The following PAX5 variants were observed in gnomAD, a reference collection of about 807,000 sequenced individuals.
The protein encoded by PAX5 is paired box 5.
A neutral mutation model predicts 43.7 loss-of-function variants in PAX5; 9 were observed. The observed-to-expected ratio is 0.21, with a 90% CI of 0.12 to 0.36. The LOEUF is 0.36. Among genes scored for constraint, PAX5 ranks in the 10% least tolerant of loss-of-function variants. PAX5 has a pLI of 1.00. For synonymous variants in PAX5, 228 were observed against 214.3 expected, an observed-to-expected ratio of 1.06 and a Z score of -0.56; for missense variants, 383 against 532.7, an observed-to-expected ratio of 0.72 and a Z score of 2.77.
chr9:36,860,323 C>T (rs1453273535), intron 8 of PAX5, among the ~76,000 whole-genome samples: 2 of 151,682 alleles, frequency 1.3e-5, no homozygotes, highest in Non-Finnish European at 2.9e-5. Flanking sequence ...GGTGACAGAG[C>T]AAGACTGTCT....
At chr9:36,951,724 A>G (rs1833028118) in intron 6 of PAX5, among the ~76,000 whole-genome samples, 1 of 152,100 alleles carries the variant, frequency 6.6e-6, no homozygotes, top group African/African-American at 2.4e-5. Flanking sequence ...ATTTATTTCT[A>G]TCCTCTATTG....
intron 8 of PAX5, chr9:36,860,965 G>A (rs1345303159): frequency 6.6e-6 from 1 of 152,234 alleles, no homozygotes; most frequent in Non-Finnish European, 1.5e-5. Context: ...ACTTTCATAT[G>A]TATCCCCTGT....
intron 9 of PAX5, among the ~76,000 whole-genome samples, chr9:36,843,180 C>T (rs759898465): frequency 1.3e-5 from 2 of 151,980 alleles, no homozygotes; most frequent in Admixed American, 6.6e-5. Context: ...TTCCACAGAG[C>T]GCACCAATCT....
chr9:36,837,791 C>T lies in PAX5; in HGVS notation c.*2769G>A, dbSNP rs1047487928. On this transcript the variant is annotated 3_prime_UTR_variant, in exon 10 of 10. Coordinates refer to ENST00000358127, the MANE Select transcript of PAX5 (RefSeq NM_016734.3). ...AGGGAGGAAAGGTATGGGGGGAGCT[C>T]ATTACAGGGCAAGAAGAGGAACAGG... The T allele has an allele frequency of 1.3e-5, 3 of 233,262 alleles. No homozygotes were observed. The highest frequency in any genetic ancestry group is 2.5e-5 in the Non-Finnish European group (3 of 118,114). The allele number at this position is 233,262 out of a possible 1,614,324, so 14.4% of individuals were successfully genotyped here. A position where few individuals can be genotyped will look rare whatever the true frequency, so the allele number is the denominator to read the frequency against.
intron 6 of PAX5, among the ~76,000 whole-genome samples, chr9:36,926,930 G>A (rs1830690988): frequency 6.6e-6 from 1 of 152,172 alleles, no homozygotes; most frequent in Non-Finnish European, 1.5e-5. Flanking sequence ...GGCGTGAAGT[G>A]GTCAGGAAGG....
Position 36,834,662 on chromosome 9 carries a change from G to C in PAX5, c.*5898C>G, listed in dbSNP as rs1821517716. ...AAATGTATTCATGCTTGAAAAGAAGGGCGCCATTAAATGGTTTCCTTTCTG... is the reference window on the plus strand; with the variant it reads ...AAATGTATTCATGCTTGAAAAGAAGCGCGCCATTAAATGGTTTCCTTTCTG... On this transcript the variant is annotated 3_prime_UTR_variant, in exon 10 of 10. Transcript: ENST00000358127. The C allele has an allele frequency of 4.3e-6, 1 of 233,004 alleles. No homozygotes were observed. The highest frequency in any genetic ancestry group is 8.5e-6 in the Non-Finnish European group (1 of 118,040). The allele number at this position is 233,004 out of a possible 1,614,324, so 14.4% of individuals were successfully genotyped here.
chr9:37,015,871 C>T lies in PAX5; in HGVS notation c.213-677G>A, dbSNP rs1213788095. On this transcript the variant is annotated intron_variant, in intron 2 of 9. Transcript: ENST00000358127. This position sits in a 1 kb window ranked among gnomAD's most constrained non-coding sequence, Gnocchi z 4.4. ...CTGGGATTACAGGCATGAGCCACCA[C>T]GCCCGGCCAGTCTCTCATTGTATTT... Among the ~76,000 whole-genome samples the T allele has an allele frequency of 2.6e-5, 4 of 152,198 alleles. No homozygotes were observed. Among genetic ancestry groups the T allele is most frequent in the Non-Finnish European group, 5.9e-5 (4 of 68,040 alleles).
intron 8 of PAX5, among the ~76,000 whole-genome samples, chr9:36,855,533 G>T (rs1823579649): frequency 6.6e-6 from 1 of 152,232 alleles, no homozygotes; most frequent in South Asian, 2.1e-4. Context: ...TAGGGTGCAA[G>T]ATAACACCTG....
chr9:36,884,532 C>T (rs1414304738), intron 7 of PAX5, among the ~76,000 whole-genome samples: 1 of 152,102 alleles, frequency 6.6e-6, no homozygotes, highest in Non-Finnish European at 1.5e-5. Context: ...CTTAAAAATA[C>T]TTAATTGGTG....
chr9:36,930,884 T>C (rs1387564017), intron 6 of PAX5: 6 of 1,307,424 alleles, frequency 4.6e-6, no homozygotes, highest in Non-Finnish European at 6.0e-6. Flanking sequence ...CCCTAGGAAA[T>C]TACCTGGAAA....
At chr9:37,022,556 G>A (rs1839945906) in intron 1 of PAX5, among the ~76,000 whole-genome samples, 1 of 152,196 alleles carries the variant, frequency 6.6e-6, no homozygotes, top group African/African-American at 2.4e-5. Context: ...ATATGACCTG[G>A]GAGTCCAGGT....
chr9:36,913,977 A>AC (rs916300170), intron 7 of PAX5, among the ~76,000 whole-genome samples: 2 of 151,548 alleles, frequency 1.3e-5, no homozygotes, highest in East Asian at 3.9e-4. Context: ...AGAGCCCCCC[A>AC]CCCCCCAACA....
intron 8 of PAX5, among the ~76,000 whole-genome samples, chr9:36,848,515 A>C (rs1032586331): frequency 5.3e-5 from 8 of 152,240 alleles, no homozygotes; most frequent in Admixed American, 4.6e-4. Context: ...GCCCGATGAC[A>C]GTGGGCTGCA....
chr9:36,942,467 T>C (rs762339852), intron 6 of PAX5, among the ~76,000 whole-genome samples: 6 of 152,098 alleles, frequency 3.9e-5, no homozygotes, highest in Non-Finnish European at 7.3e-5. Flanking sequence ...AGGCCACAGA[T>C]GTGAAAGCAG....
chr9:37,023,460 A>C (rs186389953), intron 1 of PAX5, among the ~76,000 whole-genome samples: 1 of 152,318 alleles, frequency 6.6e-6, no homozygotes, highest in East Asian at 1.9e-4. Flanking sequence ...AGAGGCAAAC[A>C]AATCAGGTGA....
intron 6 of PAX5, among the ~76,000 whole-genome samples, chr9:36,950,304 A>G (rs4880042): frequency 0.58 from 88,803 of 152,148 alleles, 26,069 homozygotes; most frequent in East Asian, 0.78. Context: ...CTTCAATAAA[A>G]TCATCCCATT....
intron 7 of PAX5, among the ~76,000 whole-genome samples, chr9:36,900,185 T>A (rs1483504242): frequency 6.6e-6 from 1 of 152,240 alleles, no homozygotes; most frequent in Admixed American, 6.5e-5. Flanking sequence ...TTTCCCAGCC[T>A]CCCTTGCGTG....
chr9:36,954,204 T>C (rs919783845), intron 6 of PAX5, among the ~76,000 whole-genome samples: 19 of 152,212 alleles, frequency 1.2e-4, no homozygotes, highest in African/African-American at 4.6e-4. Flanking sequence ...CATGAAGTAA[T>C]TGGACTAAAG....
intron 5 of PAX5, among the ~76,000 whole-genome samples, chr9:36,986,554 G>A (rs1422453796): frequency 6.6e-6 from 1 of 152,108 alleles, no homozygotes; most frequent in African/African-American, 2.4e-5. Flanking sequence ...GGCCGCAGCT[G>A]AATTCATTTC....
Sources: gnomAD v4.1 joint callset for allele counts (sites outside exome capture counted in the v4.1 genomes callset) on GRCh38, gnomAD v4.1.1 for gene constraint, Gnocchi (gnomAD v3.1) non-coding constraint, MANE v1.5 for transcripts, NCBI Gene and HGNC (gene_info 2026-07-23, HGNC 2026-07-21) for gene names.